TPO: variants seen among roughly 807,000 people sequenced by gnomAD.
TPO encodes thyroid microsomal antigen.
In TPO, 78 loss-of-function variants were observed where a neutral mutation model predicts 96.9. That is an observed-to-expected ratio of 0.81 (90% confidence interval 0.67 to 0.97). TPO has a LOEUF of 0.97. TPO is among the 50% of genes least tolerant of loss of function. TPO has a pLI of 0.00. For missense variants in TPO, 1,252 were observed against 1,274.8 expected, an observed-to-expected ratio of 0.98 and a Z score of 0.27; for synonymous variants, 547 against 538.0, an observed-to-expected ratio of 1.02 and a Z score of -0.23.
intron 14 of TPO, among the ~76,000 whole-genome samples, chr2:1,512,983 A>C (rs1179360846): frequency 6.6e-6 from 1 of 152,186 alleles, no homozygotes; most frequent in Non-Finnish European, 1.5e-5. Context: ...TGTTGCACGG[A>C]GGCCACACAC....
intron 13 of TPO, among the ~76,000 whole-genome samples, chr2:1,497,189 C>T (rs1672443538): frequency 6.6e-6 from 1 of 152,204 alleles, no homozygotes; most frequent in African/African-American, 2.4e-5. Context: ...GGTCCTCCTC[C>T]AGCCACTGGG....
intron 2 of TPO, among the ~76,000 whole-genome samples, chr2:1,419,142 C>G (rs1663246572): frequency 6.6e-6 from 1 of 152,158 alleles, no homozygotes; most frequent in Non-Finnish European, 1.5e-5. Context: ...TTTGGGGGAA[C>G]CGTGCCATGC....
At chr2:1,459,749 C>T (rs1369320319) in intron 7 of TPO, among the ~76,000 whole-genome samples, 2 of 152,168 alleles carry the variant, frequency 1.3e-5, no homozygotes, top group African/African-American at 2.4e-5. Context: ...ACCATAAAGA[C>T]TGTGTCAATC....
At position 1,484,853 on chromosome 2, in the gene TPO, A is replaced by G. The variant is rs1312860147; in HGVS notation, c.1596A>G (p.Gly532=). ...AFFSPWTLLR[G]GGLDPLIRGL... ...TCAGCCCATGGACATTACTCCGTGG[A>G]GGTGAGTGAGTGCGGTCCCTGCAGC... Residue 532 remains glycine (G), a splice_region_variant and synonymous_variant, in exon 9 of 17, where the codon GGA becomes GGG. Coordinates refer to ENST00000329066, the MANE Select transcript of TPO (RefSeq NM_001206744.2). 1 of 1,613,560 alleles carries G rather than the reference A, an allele frequency of 6.2e-7. No homozygotes were observed. Among genetic ancestry groups the G allele is most frequent in the Non-Finnish European group, 8.5e-7 (1 of 1,180,042 alleles).
chr2:1,493,500 GGAATAT>G (rs1294342128), intron 10 of TPO, among the ~76,000 whole-genome samples: 371 of 90,448 alleles, frequency 4.1e-3, no homozygotes, highest in Admixed American at 0.011. Flanking sequence ...CATCTGAGCT[GGAATAT>G]CCTAGCCTGG....
chr2:1,457,909 A>G (rs1667996329), intron 7 of TPO, among the ~76,000 whole-genome samples: 1 of 151,394 alleles, frequency 6.6e-6, no homozygotes, highest in Non-Finnish European at 1.5e-5. Flanking sequence ...CATATAAGAT[A>G]GTGTGTGGGC....
rs28909990 is a variant in TPO at position 1,414,608 on chromosome 2, G to A, written c.94+106G>A. On this transcript the variant is annotated intron_variant, in intron 2 of 16. Coordinates refer to ENST00000329066, the MANE Select transcript of TPO (RefSeq NM_001206744.2). The stretch of plus-strand genomic sequence containing the variant: ...CTCCTGAGAGTCACTTTAGGCCCCT[G>A]TAGTGTATGCTTTGTTATGCTTAAG... 8.2e-4 allele frequency: 815 copies of A among 998,860 alleles called. 2 individuals are homozygous for A. In the African/African-American group the frequency reaches 0.011, roughly 14 times the overall value. 61.9% of individuals were successfully genotyped at this position (998,860 alleles called of 1,614,324 possible). A position where few individuals can be genotyped will look rare whatever the true frequency, so the allele number is the denominator to read the frequency against.
At chr2:1,495,592 T>G (rs1400168412) in intron 11 of TPO, among the ~76,000 whole-genome samples, 2 of 152,196 alleles carry the variant, frequency 1.3e-5, no homozygotes, top group Non-Finnish European at 2.9e-5. Flanking sequence ...TAGATGCTCA[T>G]AGTCAACAAG....
chr2:1,384,362 T>TTGTTTGTA (rs1230129966), intron 1 of TPO, among the ~76,000 whole-genome samples: 3 of 152,212 alleles, frequency 2.0e-5, no homozygotes, highest in Non-Finnish European at 4.4e-5. Flanking sequence ...GTTCTTCCAT[T>TTGTTTGTA]TGTTTGTATC....
At chr2:1,463,508 A>T (rs911505429) in intron 7 of TPO, among the ~76,000 whole-genome samples, 2 of 152,208 alleles carry the variant, frequency 1.3e-5, no homozygotes. Context: ...ACAGAAAATG[A>T]TCCACACAAT....
At chr2:1,528,466 CAA>C (rs1677150980) in intron 15 of TPO, among the ~76,000 whole-genome samples, 1 of 147,696 alleles carries the variant, frequency 6.8e-6, no homozygotes, top group Non-Finnish European at 1.5e-5. Context: ...TCAAATCTCT[CAA>C]CTGTGTGCAA....
At chr2:1,469,720 C>T (rs547036374) in intron 7 of TPO, among the ~76,000 whole-genome samples, 37 of 152,278 alleles carry the variant, frequency 2.4e-4, no homozygotes, top group Admixed American at 5.9e-4. Context: ...AATCTTCTCC[C>T]GTAATCTAGA....
At chr2:1,501,860 C>A (rs1196903467) in intron 13 of TPO, among the ~76,000 whole-genome samples, 1 of 152,132 alleles carries the variant, frequency 6.6e-6, no homozygotes, top group Non-Finnish European at 1.5e-5. Context: ...ACCTCTAGAA[C>A]TCTTGGAGGA....
chr2:1,486,396 T>C (rs1228561352), intron 9 of TPO, among the ~76,000 whole-genome samples: 1 of 151,672 alleles, frequency 6.6e-6, no homozygotes, highest in Non-Finnish European at 1.5e-5. Context: ...ACATTAGCCG[T>C]GTGTGGTGGC....
chr2:1,398,607 G>A (rs1156481890), intron 1 of TPO, among the ~76,000 whole-genome samples: 1 of 152,202 alleles, frequency 6.6e-6, no homozygotes, highest in Non-Finnish European at 1.5e-5. Context: ...TTATCTAGCT[G>A]GGCAGGGAGG....
chr2:1,472,710 C>T (rs917167774), intron 7 of TPO, among the ~76,000 whole-genome samples: 24 of 151,944 alleles, frequency 1.6e-4, no homozygotes, highest in Middle Eastern at 3.2e-3. Context: ...GCTGGTACTA[C>T]TGTCTAAAAA....
intron 5 of TPO, chr2:1,438,757 CAG>C (rs1026846206): frequency 5.1e-5 from 36 of 701,388 alleles, no homozygotes; most frequent in Admixed American, 4.2e-4. Context: ...GATTTGCAAA[CAG>C]AAGAGAAACT....
intron 16 of TPO, chr2:1,541,509 A>C (rs187438576): frequency 9.9e-4 from 152 of 152,954 alleles, no homozygotes; most frequent in African/African-American, 3.4e-3. Context: ...GGCGCTCACC[A>C]CCATGCCTGG....
chr2:1,524,949 C>G (rs538021944), intron 15 of TPO, among the ~76,000 whole-genome samples: 26 of 116,686 alleles, frequency 2.2e-4, no homozygotes, highest in African/African-American at 8.3e-4. Context: ...AATCCCGACT[C>G]TGTGCAACCT....
Sources: gnomAD v4.1 joint callset for allele counts (sites outside exome capture counted in the v4.1 genomes callset) on GRCh38, gnomAD v4.1.1 for gene constraint, MANE v1.5 for transcripts, NCBI Gene and HGNC (gene_info 2026-07-23, HGNC 2026-07-21) for gene names.